The following PLXNA2 variants were observed in gnomAD, a reference collection of about 807,000 sequenced individuals.
PLXNA2 encodes plexin-A2.
Under a neutral mutation model 193.5 loss-of-function variants are expected in PLXNA2, and 91 were observed. The ratio of observed to expected loss-of-function variants is 0.47; its 90% CI spans 0.40 to 0.56. PLXNA2 has a LOEUF of 0.56. Among genes scored for constraint, PLXNA2 ranks in the 20% least tolerant of loss-of-function variants. PLXNA2 has a pLI of 0.00. For synonymous variants in PLXNA2, 997 were observed against 1,027.3 expected, an observed-to-expected ratio of 0.97 and a Z score of 0.56; for missense variants, 1,995 against 2,503.2, an observed-to-expected ratio of 0.80 and a Z score of 4.33.
At chr1:208,195,394 C>T (rs1430194907) in intron 3 of PLXNA2, among the ~76,000 whole-genome samples, 2 of 152,130 alleles carry the variant, frequency 1.3e-5, no homozygotes, top group African/African-American at 2.4e-5. Context: ...CTTGACTCTC[C>T]TGTGAGTAGG....
At chr1:208,110,994 A>G (rs1031680318) in intron 4 of PLXNA2, among the ~76,000 whole-genome samples, 2 of 152,202 alleles carry the variant, frequency 1.3e-5, no homozygotes, top group Admixed American at 6.5e-5. Flanking sequence ...GCCAGACAGC[A>G]AGAGAGGTGA....
At chr1:208,160,480 G>C (rs537817611) in intron 3 of PLXNA2, among the ~76,000 whole-genome samples, 1 of 152,232 alleles carries the variant, frequency 6.6e-6, no homozygotes, top group Non-Finnish European at 1.5e-5. Flanking sequence ...GGTAGAACAC[G>C]GCAGCCAGAT....
At chr1:208,095,974 A>G in intron 8 of PLXNA2, 55 bp downstream of exon 8, 1 of 1,358,974 alleles carries the variant, frequency 7.4e-7, no homozygotes, top group Non-Finnish European at 1.1e-6. Context: ...CGAGGGGAAG[A>G]AAGCCCATAC....
intron 2 of PLXNA2, among the ~76,000 whole-genome samples, chr1:208,215,692 G>A (rs1671103695): frequency 6.6e-6 from 1 of 151,744 alleles, no homozygotes; most frequent in Non-Finnish European, 1.5e-5. Context: ...GAGGATGGAG[G>A]GATAGATGGA....
At chr1:208,233,434 G>A (rs1174758755) in intron 1 of PLXNA2, among the ~76,000 whole-genome samples, 1 of 152,158 alleles carries the variant, frequency 6.6e-6, no homozygotes, top group East Asian at 1.9e-4. Context: ...CCAGGGCCCT[G>A]CTTTTTCTTC....
rs1451967975 is a variant in PLXNA2, at chr1:208,098,450, TCTCTCTCTCACA to T, written c.1731+384_1731+395del. Among the ~76,000 whole-genome samples, 13 of 120,336 alleles carry T rather than the reference TCTCTCTCTCACA, an allele frequency of 1.1e-4. No individual in the cohort carries two copies. The East Asian group carries it at 1.2e-3, about 11-fold the overall frequency. The allele number at this position is 120,336 out of a possible 152,430, so 78.9% of individuals were successfully genotyped here. On this transcript the variant is annotated intron_variant, in intron 6 of 31. Coordinates refer to ENST00000367033, the MANE Select transcript of PLXNA2 (RefSeq NM_025179.4). ...ATTCTTTCCTCTCTCTCTCTCTCTC[TCTCTCTCTCACA>T]CACACACACACACACACACACACAC...
chr1:208,223,598 T>C (rs965396561), intron 1 of PLXNA2, among the ~76,000 whole-genome samples: 4 of 152,174 alleles, frequency 2.6e-5, no homozygotes, highest in Admixed American at 1.3e-4. Flanking sequence ...GGGAGAATGA[T>C]TGCTTCTGTC....
chr1:208,024,960 CTGA>C lies in PLXNA2; in HGVS notation c.*2280_*2282del, dbSNP rs1664297530. 2 of 152,524 alleles carry C rather than the reference CTGA, an allele frequency of 1.3e-5. No homozygotes were observed. The highest frequency in any genetic ancestry group is 4.8e-5 in the African/African-American group (2 of 41,420). 9.4% of individuals were successfully genotyped at this position (152,524 alleles called of 1,614,324 possible). A position where few individuals can be genotyped will look rare whatever the true frequency, so the allele number is the denominator to read the frequency against. ...ATCTCCATAAATTATGGGCTCTGCGCTGATAAGCTTTGAGTGCTATGAAGAGCA... is the reference window on the plus strand; with the variant it reads ...ATCTCCATAAATTATGGGCTCTGCGCTAAGCTTTGAGTGCTATGAAGAGCA... On this transcript the variant is annotated 3_prime_UTR_variant, in exon 32 of 32. Transcript: ENST00000367033.
intron 12 of PLXNA2, among the ~76,000 whole-genome samples, chr1:208,066,823 T>C (rs1665811782): frequency 1.3e-5 from 2 of 152,200 alleles, no homozygotes; most frequent in African/African-American, 4.8e-5. Flanking sequence ...GTGATATGGA[T>C]GATCCTGACC....
At chr1:208,182,365 G>A (rs2102549147) in intron 3 of PLXNA2, among the ~76,000 whole-genome samples, 1 of 152,244 alleles carries the variant, frequency 6.6e-6, no homozygotes, top group Non-Finnish European at 1.5e-5. Flanking sequence ...CCAGGGAGGT[G>A]GAGGTTGCAG....
intron 29 of PLXNA2, chr1:208,029,833 T>C: frequency 1.0e-6 from 1 of 985,562 alleles, no homozygotes. Context: ...TCCTTCAAAA[T>C]CAGAACAGCT....
At chr1:208,226,184 T>C (rs1268365270) in intron 1 of PLXNA2, among the ~76,000 whole-genome samples, 1 of 152,208 alleles carries the variant, frequency 6.6e-6, no homozygotes, top group Non-Finnish European at 1.5e-5. Flanking sequence ...CTGCTGTTCC[T>C]GCAGAGTGGA....
At chr1:208,113,232 C>T (rs994506195) in intron 4 of PLXNA2, among the ~76,000 whole-genome samples, 2 of 152,104 alleles carry the variant, frequency 1.3e-5, no homozygotes, top group African/African-American at 2.4e-5. Context: ...ACTGCCCTAC[C>T]CCAGGAGGGG....
At chr1:208,099,332 G>C (rs1307216981) in intron 5 of PLXNA2, among the ~76,000 whole-genome samples, 1 of 152,242 alleles carries the variant, frequency 6.6e-6, no homozygotes, top group East Asian at 1.9e-4. Flanking sequence ...CCACAGTGCG[G>C]GAGCGGGCCT....
intron 4 of PLXNA2, among the ~76,000 whole-genome samples, chr1:208,131,390 G>A (rs896979449): frequency 8.5e-5 from 13 of 152,116 alleles, no homozygotes; most frequent in Admixed American, 6.5e-4. Flanking sequence ...TCAGACTCTC[G>A]GCATCTGATT....
At chr1:208,227,718 A>C (rs1053817050) in intron 1 of PLXNA2, among the ~76,000 whole-genome samples, 3 of 152,084 alleles carry the variant, frequency 2.0e-5, no homozygotes, top group African/African-American at 7.2e-5. Context: ...TTGTGGCAGG[A>C]GCTTTGCTAG....
intron 1 of PLXNA2, among the ~76,000 whole-genome samples, chr1:208,223,088 A>T (rs1036232252): frequency 1.3e-5 from 2 of 152,240 alleles, no homozygotes; most frequent in Non-Finnish European, 2.9e-5. Context: ...GGAAGTTAGC[A>T]GCTGTTCCTG....
intron 3 of PLXNA2, among the ~76,000 whole-genome samples, chr1:208,192,197 T>C (rs1486680697): frequency 6.6e-6 from 1 of 152,226 alleles, no homozygotes; most frequent in African/African-American, 2.4e-5. Context: ...TCTGCTCTGA[T>C]CCATTCTCCT....
At chr1:208,146,696 T>C (rs147785411) in intron 3 of PLXNA2, among the ~76,000 whole-genome samples, 1 of 152,316 alleles carries the variant, frequency 6.6e-6, no homozygotes, top group African/African-American at 2.4e-5. Flanking sequence ...GAGTTTATTC[T>C]ATGGTGTCCC....
Sources: allele counts gnomAD v4.1 joint callset (sites outside exome capture counted in the v4.1 genomes callset), GRCh38; gene constraint gnomAD v4.1.1; transcripts MANE v1.5; gene names NCBI Gene and HGNC (gene_info 2026-07-23, HGNC 2026-07-21).